The following SVEP1 variants were observed in gnomAD, a reference collection of about 807,000 sequenced individuals.
SVEP1 encodes sushi, von Willebrand factor type A, EGF and pentraxin domain-containing protein 1.
Under a neutral mutation model 367.3 loss-of-function variants are expected in SVEP1, and 164 were observed. The observed-to-expected ratio is 0.45, with a 90% confidence interval of 0.39 to 0.51. SVEP1 has a LOEUF of 0.51. SVEP1 is among the 20% of genes least tolerant of loss of function. The pLI, the probability that SVEP1 is intolerant of heterozygous loss-of-function variation, is 0.00. For synonymous variants in SVEP1, 1,666 were observed against 1,611.6 expected (o/e 1.03, Z -0.81); for missense variants, 4,117 against 4,425.3 (o/e 0.93, Z 1.98).
chr9:110,466,873 G>C (rs1380050666), intron 17 of SVEP1, among the ~76,000 whole-genome samples: 1 of 150,748 alleles, frequency 6.6e-6, no homozygotes, highest in Admixed American at 6.6e-5. Flanking sequence ...GAACATAAAA[G>C]CAGACATACC....
chr9:110,488,320 C>T (rs778573914), intron 9 of SVEP1, among the ~76,000 whole-genome samples: 1 of 152,062 alleles, frequency 6.6e-6, no homozygotes, highest in Non-Finnish European at 1.5e-5. Context: ...GAGATTCGAA[C>T]TGGAAATAGG....
At position 110,579,588 on chromosome 9, in the gene SVEP1, C is replaced by A; in HGVS notation, c.-45G>T. On this transcript the variant is annotated 5_prime_UTR_variant, in exon 1 of 48. Coordinates refer to ENST00000374469, the MANE Select transcript of SVEP1 (RefSeq NM_153366.4). This position sits in a 1 kb window ranked among gnomAD's most constrained non-coding sequence, Gnocchi z 5.3. ...CTGCCCCGGAGCGCAGGCGGCGGCT[C>A]GGGCGGGAAGAGGCGCTGGGCGGCC... is the stretch of plus-strand genomic sequence containing the variant. 1 of 1,518,818 alleles carries A rather than the reference C, an allele frequency of 6.6e-7. No homozygotes were observed. The highest frequency in any genetic ancestry group is 8.8e-7 in the Non-Finnish European group (1 of 1,138,684). The allele number at this position is 1,518,818 out of a possible 1,614,324, so 94.1% of individuals were successfully genotyped here.
intron 14 of SVEP1, among the ~76,000 whole-genome samples, chr9:110,473,031 A>G (rs905013915): frequency 3.9e-5 from 6 of 152,208 alleles, no homozygotes; most frequent in African/African-American, 1.4e-4. Context: ...CTTACCTGAT[A>G]GATTTGTCTG....
At chr9:110,464,296 C>A (rs1398350111) in intron 18 of SVEP1, among the ~76,000 whole-genome samples, 13 of 152,210 alleles carry the variant, frequency 8.5e-5, no homozygotes, top group Non-Finnish European at 1.5e-5. Context: ...TTCTTCTCAA[C>A]TCTTCAGTGA....
intron 3 of SVEP1, among the ~76,000 whole-genome samples, chr9:110,531,357 G>C (rs1200166970): frequency 6.6e-6 from 1 of 152,060 alleles, no homozygotes; most frequent in East Asian, 1.9e-4. Flanking sequence ...ATCTCATCTT[G>C]AACTGTAGTT....
In SVEP1 at chr9:110,503,300, T is replaced by C; in HGVS notation, c.1304-83A>G. On this transcript the variant is annotated intron_variant, in intron 5 of 47. Coordinates refer to ENST00000374469, the MANE Select transcript of SVEP1 (RefSeq NM_153366.4). ...TTACAAGTTTAGCAATGCCTGCACA[T>C]TGCAAGCAAGACAATTTTCTTTTCT... 9 of 1,361,014 alleles carry C rather than the reference T, an allele frequency of 6.6e-6. No homozygotes were observed. The South Asian group carries it at 1.3e-4, about 19-fold the overall frequency. The allele number at this position is 1,361,014 out of a possible 1,614,324, so 84.3% of individuals were successfully genotyped here.
intron 25 of SVEP1, among the ~76,000 whole-genome samples, chr9:110,446,486 G>GC (rs1445434361): frequency 6.6e-6 from 1 of 152,182 alleles, no homozygotes; most frequent in Non-Finnish European, 1.5e-5. Flanking sequence ...CCCCAAACCT[G>GC]CACAGACCAC....
intron 5 of SVEP1, among the ~76,000 whole-genome samples, chr9:110,504,335 C>T (rs1829590666): frequency 6.6e-6 from 1 of 152,188 alleles, no homozygotes; most frequent in East Asian, 1.9e-4. Context: ...GCTGGGATTA[C>T]AGGCGTGAGC....
chr9:110,441,314 C>T (rs993946481), intron 27 of SVEP1, among the ~76,000 whole-genome samples: 1 of 152,206 alleles, frequency 6.6e-6, no homozygotes, highest in Non-Finnish European at 1.5e-5. Context: ...CTTACAACAA[C>T]CTAATGTTTC....
In SVEP1 at chr9:110,579,147, C is replaced by G; in HGVS notation, c.397G>C (p.Val133Leu). The change falls in exon 1 of 48, where the codon GTG becomes CTG. Residue 133 changes from valine (V) to leucine (L), a missense_variant. By Grantham distance (32) the Val-to-Leu change is conservative. This residue lies in a region of SVEP1 where 2,174 missense variants were observed against 2,494.3 expected (regional missense o/e 0.87). Coordinates refer to ENST00000374469, the MANE Select transcript of SVEP1 (RefSeq NM_153366.4). The surrounding 1 kb of genome is among the most constrained non-coding windows in gnomAD (Gnocchi z 5.3). ...GAGATGTAATCGACGCGCGGCACCA[C>G]GTAGTTCTTGGACGAGAAGGTCACG... ...AIVTFSSKNYVVPRVDYISTR... is the reference protein window; with the variant it reads ...AIVTFSSKNYLVPRVDYISTR... The G allele has an allele frequency of 6.4e-7, 1 of 1,559,576 alleles. No individual in the cohort carries two copies. The highest frequency in any genetic ancestry group is 8.7e-7 in the Non-Finnish European group (1 of 1,152,506).
At chr9:110,510,222 C>G (rs1461198174) in intron 5 of SVEP1, among the ~76,000 whole-genome samples, 1 of 152,204 alleles carries the variant, frequency 6.6e-6, no homozygotes, top group African/African-American at 2.4e-5. Context: ...TCTCTTAGAC[C>G]TTCCATGAGT....
chr9:110,394,131 C>G (rs1238957033), intron 40 of SVEP1, among the ~76,000 whole-genome samples: 1 of 152,036 alleles, frequency 6.6e-6, no homozygotes, highest in Non-Finnish European at 1.5e-5. Flanking sequence ...TGACACCTCA[C>G]ATGGCCGGGT....
At chr9:110,435,052 A>G (rs1031069881) in intron 29 of SVEP1, among the ~76,000 whole-genome samples, 189 bp downstream of exon 29, 1 of 152,168 alleles carries the variant, frequency 6.6e-6, no homozygotes, top group African/African-American at 2.4e-5. Context: ...GTTATACAGA[A>G]TATATTTTTG....
chr9:110,390,348 C>T (rs964492133), intron 40 of SVEP1, among the ~76,000 whole-genome samples: 14,909 of 30,882 alleles, frequency 0.48, 4,159 homozygotes, highest in African/African-American at 0.52. Context: ...TACTTATATA[C>T]ACTTATATAT....
rs760584771 is a variant in SVEP1, at chr9:110,443,730, G to C, written c.4464-10C>G. The C allele has an allele frequency of 2.5e-6, 4 of 1,570,164 alleles. No individual in the cohort carries two copies. In the South Asian group the frequency reaches 3.6e-5, roughly 14 times the overall value. ...CACATAAAGAACCCAGCTGTAGAGAGAAAGATTCCAGGGAATGTAGTCATT... is the reference window on the plus strand; with the variant it reads ...CACATAAAGAACCCAGCTGTAGAGACAAAGATTCCAGGGAATGTAGTCATT... On this transcript the variant is annotated splice_polypyrimidine_tract_variant and intron_variant, in intron 26 of 47. Transcript: ENST00000374469.
chr9:110,390,090 C>CATAT (rs1827612153), intron 40 of SVEP1, among the ~76,000 whole-genome samples: 1 of 98,856 alleles, frequency 1.0e-5, no homozygotes, highest in Non-Finnish European at 2.1e-5. Context: ...TGTATATATA[C>CATAT]ACATACATAC....
At chr9:110,387,894 T>G (rs941303337) in intron 41 of SVEP1, among the ~76,000 whole-genome samples, 3 of 152,184 alleles carry the variant, frequency 2.0e-5, no homozygotes, top group Admixed American at 2.0e-4. Flanking sequence ...AATACATTTT[T>G]AGTATAAGCG....
At chr9:110,502,922 A>C in intron 6 of SVEP1, 116 bp downstream of exon 6, 1 of 1,049,886 alleles carries the variant, frequency 9.5e-7, no homozygotes, top group South Asian at 1.9e-5. Flanking sequence ...GTACATGTGG[A>C]TATGTATTTA....
In SVEP1 at chr9:110,411,237, A is replaced by G. The variant is rs201524956; in HGVS notation, c.6474T>C (p.Ser2158=). The change falls in exon 37 of 48, where the codon AGT becomes AGC. Residue 2158 remains serine, a synonymous_variant. Transcript: ENST00000374469. ...TGGCTCCAAAACTGTAGTTTGATCC[A>G]CTTGCATAGCCATTCATGATGCTTG... is the stretch of plus-strand genomic sequence containing the variant. The part of the protein sequence containing the change: ...EPPSIMNGYA[S]GSNYSFGAMV... 330 of 1,613,978 alleles carry G rather than the reference A, an allele frequency of 2.0e-4. No individual in the cohort carries two copies. In the African/African-American group the frequency reaches 3.9e-3, roughly 19 times the overall value.
Sources: gnomAD v4.1 joint callset for allele counts (sites outside exome capture counted in the v4.1 genomes callset) on GRCh38, gnomAD v4.1.1 for gene constraint, gnomAD v4.1.1 regional missense constraint, Gnocchi (gnomAD v3.1) non-coding constraint, MANE v1.5 for transcripts, NCBI Gene and HGNC (gene_info 2026-07-23, HGNC 2026-07-21) for gene names.